PPP2R5A: variants seen among roughly 807,000 people sequenced by gnomAD.
PPP2R5A encodes the protein protein phosphatase 2 regulatory subunit B'alpha, also known as serine/threonine-protein phosphatase 2A 56 kDa regulatory subunit alpha isoform.
Under a neutral mutation model 64.2 loss-of-function variants are expected in PPP2R5A, and 25 were observed. The ratio of observed to expected loss-of-function variants is 0.39; its 90% CI spans 0.28 to 0.54. The LOEUF (loss-of-function observed/expected upper bound fraction) is 0.54. PPP2R5A is among the 20% of genes least tolerant of loss of function. PPP2R5A has a pLI of 0.67. For missense variants in PPP2R5A, 425 were observed against 576.3 expected, an observed-to-expected ratio of 0.74 and a Z score of 2.69; for synonymous variants, 198 against 201.2, an observed-to-expected ratio of 0.98 and a Z score of 0.13.
intron 1 of PPP2R5A, among the ~76,000 whole-genome samples, chr1:212,288,621 TA>T (rs879906150): frequency 1.3e-4 from 19 of 149,622 alleles, no homozygotes; most frequent in South Asian, 2.1e-4. Context: ...GCAAGTGATT[TA>T]AAAAAAAAAC....
At chr1:212,342,732 A>G (rs181874919) in intron 4 of PPP2R5A, among the ~76,000 whole-genome samples, 73 of 152,286 alleles carry the variant, frequency 4.8e-4, no homozygotes, top group African/African-American at 1.4e-3. Context: ...CTAAGTATCA[A>G]TTACCTTTTC....
At chr1:212,319,455 TAATC>T (rs1659219783) in intron 1 of PPP2R5A, 1 of 152,208 alleles carries the variant, frequency 6.6e-6, no homozygotes, top group South Asian at 2.1e-4. Flanking sequence ...GGCAAATGGA[TAATC>T]AACATCAGCC....
At chr1:212,328,456 T>C (rs1659444707) in intron 1 of PPP2R5A, among the ~76,000 whole-genome samples, 2 of 152,102 alleles carry the variant, frequency 1.3e-5, no homozygotes, top group South Asian at 4.1e-4. Flanking sequence ...ACAGAGAGTA[T>C]GGTTTAACCA....
chr1:212,358,979 A>G (rs1047025646), intron 12 of PPP2R5A, among the ~76,000 whole-genome samples, 192 bp downstream of exon 12: 5 of 152,182 alleles, frequency 3.3e-5, no homozygotes, highest in Non-Finnish European at 7.4e-5. Context: ...CAGTATTTTT[A>G]TAAATTTGTT....
At chr1:212,354,605 G>A (rs1289131002) in intron 8 of PPP2R5A, among the ~76,000 whole-genome samples, 3 of 151,838 alleles carry the variant, frequency 2.0e-5, no homozygotes, top group African/African-American at 7.3e-5. Flanking sequence ...GATCATTTAA[G>A]CCTAGGAGTT....
intron 11 of PPP2R5A, 72 bp downstream of exon 11, chr1:212,357,356 A>T: frequency 1.5e-6 from 2 of 1,319,258 alleles, no homozygotes; most frequent in Non-Finnish European, 1.0e-6. Flanking sequence ...TGATTTCCTA[A>T]CTCATACTTG....
At chr1:212,305,435 G>T (rs899304918) in intron 1 of PPP2R5A, among the ~76,000 whole-genome samples, 2 of 151,998 alleles carry the variant, frequency 1.3e-5, no homozygotes, top group East Asian at 3.8e-4. Context: ...TTATTATCTG[G>T]TATGTGGTCT....
chr1:212,293,432 A>C (rs1216897461), intron 1 of PPP2R5A, among the ~76,000 whole-genome samples: 1 of 152,198 alleles, frequency 6.6e-6, no homozygotes, highest in Non-Finnish European at 1.5e-5. Context: ...GAAATATATA[A>C]TACTTTTAGT....
At chr1:212,355,282 GGTTT>G (rs1324522966) in intron 8 of PPP2R5A, among the ~76,000 whole-genome samples, 1 of 151,516 alleles carries the variant, frequency 6.6e-6, no homozygotes, top group Non-Finnish European at 1.5e-5. Flanking sequence ...TAACTTGCAG[GGTTT>G]TTTTTTAAGT....
chr1:212,295,142 G>T (rs1013325855), intron 1 of PPP2R5A, among the ~76,000 whole-genome samples: 1 of 152,186 alleles, frequency 6.6e-6, no homozygotes, highest in Non-Finnish European at 1.5e-5. Context: ...ATTCATACCT[G>T]CCAGTAACAT....
intron 1 of PPP2R5A, among the ~76,000 whole-genome samples, chr1:212,320,677 G>A (rs1184320349): frequency 8.2e-6 from 1 of 121,530 alleles, no homozygotes; most frequent in Non-Finnish European, 1.9e-5. Flanking sequence ...GGCTGGCCGG[G>A]CGGGGGGCTG....
rs1178436152 is a variant in PPP2R5A at position 212,345,798 on chromosome 1, T to A, written c.574-5T>A. On this transcript the variant is annotated splice_polypyrimidine_tract_variant and splice_region_variant and intron_variant, in intron 4 of 12. Coordinates refer to ENST00000261461, the MANE Select transcript of PPP2R5A (RefSeq NM_006243.4). ...TAAAAGTAATTTCTCAGGTTTCTTTTAAAGCTCCTGGAGCTTTTTGATAGT... is the reference window on the plus strand; with the variant it reads ...TAAAAGTAATTTCTCAGGTTTCTTTAAAAGCTCCTGGAGCTTTTTGATAGT... 6.3e-7 allele frequency: 1 copy of A among 1,585,166 alleles called. No homozygotes were observed.
chr1:212,319,564 G>GTCTGTGCT (rs1343904581), intron 1 of PPP2R5A: 11 of 151,030 alleles, frequency 7.3e-5, no homozygotes, highest in Admixed American at 2.0e-4. Flanking sequence ...TGCAGATATT[G>GTCTGTGCT]TCTGTGCTTT....
intron 1 of PPP2R5A, among the ~76,000 whole-genome samples, chr1:212,312,993 A>G (rs1001144957): frequency 3.3e-5 from 5 of 152,240 alleles, no homozygotes; most frequent in African/African-American, 1.2e-4. Context: ...GAGAAAATAG[A>G]AAGTTCCTTC....
chr1:212,297,281 A>AT (rs906399950), intron 1 of PPP2R5A, among the ~76,000 whole-genome samples: 7 of 149,594 alleles, frequency 4.7e-5, no homozygotes, highest in Admixed American at 1.3e-4. Flanking sequence ...AATTTTTTTT[A>AT]TTTTTTTTAT....
chr1:212,327,990 T>G (rs1659436727), intron 1 of PPP2R5A, among the ~76,000 whole-genome samples: 1 of 152,220 alleles, frequency 6.6e-6, no homozygotes, highest in Non-Finnish European at 1.5e-5. Flanking sequence ...AATTTTTGTA[T>G]TTTTAGTAGA....
At chr1:212,297,110 TTTTTTTTTTTTTTTTTTTTTTTTTTTTTG>T (rs531756312) in intron 1 of PPP2R5A, among the ~76,000 whole-genome samples, 31,997 of 66,230 alleles carry the variant, frequency 0.48, 4,280 homozygotes, top group African/African-American at 0.55. Context: ...TTTTTTTTTT[TTTTTTTTTTTTTTTTTTTTTTTTTTTTTG>T]GAGACGGAGT....
At chr1:212,289,334 G>A (rs909053292) in intron 1 of PPP2R5A, among the ~76,000 whole-genome samples, 4 of 152,108 alleles carry the variant, frequency 2.6e-5, no homozygotes, top group African/African-American at 9.7e-5. Flanking sequence ...GATAATCCAT[G>A]GCTCATTGTA....
intron 1 of PPP2R5A, chr1:212,319,620 T>TTC (rs1191044230): frequency 1.5e-5 from 2 of 130,680 alleles, no homozygotes; most frequent in Admixed American, 7.7e-5. Flanking sequence ...TTTCTTTTCT[T>TTC]TTTTTTTTTT....
Sources: gnomAD v4.1 joint callset for allele counts (sites outside exome capture counted in the v4.1 genomes callset) on GRCh38, gnomAD v4.1.1 for gene constraint, MANE v1.5 for transcripts, NCBI Gene and HGNC (gene_info 2026-07-23, HGNC 2026-07-21) for gene names.